Variants in NOL10 observed in about 807,000 individuals in gnomAD.
NOL10 encodes the protein nucleolar protein 10.
A neutral mutation model predicts 103.5 loss-of-function variants in NOL10; 58 were observed. That is an observed-to-expected ratio of 0.56 (90% CI 0.45 to 0.70). The LOEUF is 0.70. Ranked by LOEUF, NOL10 falls within the 30% of genes least tolerant of loss-of-function variation. The pLI is 0.00. For missense variants in NOL10, 763 were observed against 807.3 expected, an observed-to-expected ratio of 0.95 and a Z score of 0.67; for synonymous variants, 287 against 282.5, an observed-to-expected ratio of 1.02 and a Z score of -0.16.
chr2:10,646,251 T>C (rs1679066223), intron 12 of NOL10, among the ~76,000 whole-genome samples: 2 of 152,164 alleles, frequency 1.3e-5, no homozygotes, highest in African/African-American at 2.4e-5. Context: ...AGAAGCCACA[T>C]CTTCACAACC....
intron 17 of NOL10, among the ~76,000 whole-genome samples, chr2:10,595,935 GT>G (rs771227601): frequency 1.9e-4 from 29 of 151,962 alleles, no homozygotes; most frequent in Non-Finnish European, 4.3e-4. Context: ...GAAATGTTTA[GT>G]TTTTAAAACT....
intron 1 of NOL10, among the ~76,000 whole-genome samples, chr2:10,689,215 G>A: frequency 6.6e-6 from 1 of 152,186 alleles, no homozygotes; most frequent in East Asian, 1.9e-4. Flanking sequence ...AATCTCAGCT[G>A]CATTACTAAA....
intron 17 of NOL10, among the ~76,000 whole-genome samples, chr2:10,593,142 T>TC (rs1491334335): frequency 6.6e-6 from 1 of 150,828 alleles, no homozygotes; most frequent in African/African-American, 2.4e-5. Context: ...TTTTTTTTTT[T>TC]CTTTTTTTTC....
chr2:10,655,022 C>A (rs1338559309), intron 11 of NOL10, among the ~76,000 whole-genome samples: 3 of 151,716 alleles, frequency 2.0e-5, no homozygotes, highest in Non-Finnish European at 4.4e-5. Context: ...CCAGCCTGAC[C>A]AACATGGTGA....
Position 10,644,230 on chromosome 2 carries a change from C to T in NOL10, c.1026+90G>A, listed in dbSNP as rs1047412516. The T allele has an allele frequency of 3.3e-5, 32 of 966,440 alleles. No homozygotes were observed. In the East Asian group the frequency reaches 3.9e-4, roughly 12 times the overall value. The allele number at this position is 966,440 out of a possible 1,614,324, so 59.9% of individuals were successfully genotyped here. On this transcript the variant is annotated intron_variant, in intron 13 of 20. Transcript: ENST00000381685. ...ACCACTGCACCCCAGCATCGGTGAT[C>T]GCCAGACTCCGTCTCAAAAAATTAA...
chr2:10,613,776 T>TA (rs1676693484), intron 13 of NOL10, among the ~76,000 whole-genome samples: 1 of 152,176 alleles, frequency 6.6e-6, no homozygotes, highest in East Asian at 1.9e-4. Flanking sequence ...AAGTTTTTTT[T>TA]ACCACCTAAC....
intron 2 of NOL10, among the ~76,000 whole-genome samples, chr2:10,683,864 G>A (rs1054931140): frequency 6.6e-6 from 1 of 152,184 alleles, no homozygotes; most frequent in African/African-American, 2.4e-5. Flanking sequence ...TCTAGCCCAG[G>A]AGTCTTGCGT....
intron 20 of NOL10, among the ~76,000 whole-genome samples, chr2:10,573,734 C>T (rs368901395): frequency 1.8e-4 from 28 of 151,982 alleles, no homozygotes; most frequent in African/African-American, 6.8e-4. Context: ...TCTTAAGTCC[C>T]TTCTCTGACT....
chr2:10,665,423 A>T (rs1558337682), intron 8 of NOL10, among the ~76,000 whole-genome samples: 1 of 152,230 alleles, frequency 6.6e-6, no homozygotes, highest in African/African-American at 2.4e-5. Context: ...CAATATTATG[A>T]TAACTAAGAA....
intron 11 of NOL10, 34 bp downstream of exon 11, chr2:10,657,708 A>C (rs911645741): frequency 1.7e-5 from 26 of 1,533,058 alleles, no homozygotes; most frequent in Non-Finnish European, 2.3e-5. Context: ...ACCTGCAAAT[A>C]AAGAAGCAAG....
At chr2:10,621,530 G>T (rs1197514178) in intron 13 of NOL10, among the ~76,000 whole-genome samples, 1 of 152,160 alleles carries the variant, frequency 6.6e-6, no homozygotes, top group East Asian at 1.9e-4. Flanking sequence ...GGAATTCAAG[G>T]CTGCAGTGAG....
chr2:10,589,865 T>C (rs1384782720), intron 17 of NOL10, 114 bp from the exon 18 acceptor site: 2 of 622,080 alleles, frequency 3.2e-6, no homozygotes, highest in East Asian at 6.3e-5. Flanking sequence ...GCATGAGGCA[T>C]ACATTATTAA....
intron 12 of NOL10, among the ~76,000 whole-genome samples, chr2:10,652,576 C>T (rs1679546572): frequency 6.6e-6 from 1 of 152,124 alleles, no homozygotes. Context: ...CTAAGCAGTG[C>T]CCACTGAATC....
Position 10,652,188 on chromosome 2 carries a change from T to A in NOL10, c.973+2293A>T, listed in dbSNP as rs2148299509. 1.3e-5 allele frequency among the ~76,000 whole-genome samples: 2 copies of A among 150,164 alleles called. 1 individual carries two copies. Among genetic ancestry groups the A allele is most frequent in the South Asian group, 4.2e-4 (2 of 4,754 alleles). The stretch of plus-strand genomic sequence containing the variant: ...CCGGGAGGGGGAGGTTGAAGTGAGC[T>A]GAGATTGCGCCACTGCACTCCAGCC... On this transcript the variant is annotated intron_variant, in intron 12 of 20. Transcript: ENST00000381685.
At chr2:10,653,841 AG>A (rs1679646900) in intron 12 of NOL10, among the ~76,000 whole-genome samples, 1 of 152,110 alleles carries the variant, frequency 6.6e-6, no homozygotes, top group African/African-American at 2.4e-5. Flanking sequence ...CTCTCCAGCA[AG>A]CTGTCAAAGT....
Position 10,644,337 on chromosome 2 carries a change from C to T in NOL10, c.1009G>A (p.Gly337Ser), listed in dbSNP as rs142063691. The change falls in exon 13 of 21, where the codon GGC (glycine) becomes AGC (serine). Residue 337 changes from glycine to serine, a missense_variant. By Grantham distance (56) the Gly-to-Ser change is moderately conservative (BLOSUM62 0). Coordinates refer to ENST00000381685, the MANE Select transcript of NOL10 (RefSeq NM_024894.4). ...TTACTTACTGGAATGTAATAGATGC[C>T]CATCTTGGGGGTTTCATTGGCCGTC... Reference protein sequence around the residue: ...LLTANETPKMGIYYIPVLGPA... With the variant: ...LLTANETPKMSIYYIPVLGPA... 2 of 1,537,632 alleles carry T rather than the reference C, an allele frequency of 1.3e-6. No individual in the cohort carries two copies. Among genetic ancestry groups the T allele is most frequent in the African/African-American group, 1.4e-5 (1 of 72,016 alleles).
chr2:10,675,377 C>A (rs1681234112), intron 4 of NOL10, among the ~76,000 whole-genome samples: 1 of 151,966 alleles, frequency 6.6e-6, no homozygotes, highest in African/African-American at 2.4e-5. Flanking sequence ...AATCCTATAA[C>A]CACAACAAAC....
intron 13 of NOL10, among the ~76,000 whole-genome samples, chr2:10,617,141 AG>A (rs1676879169): frequency 6.6e-6 from 1 of 152,188 alleles, no homozygotes; most frequent in Admixed American, 6.5e-5. Flanking sequence ...AAGGCAATGA[AG>A]AATAGAGGGG....
At chr2:10,638,713 G>C (rs918315097) in intron 13 of NOL10, among the ~76,000 whole-genome samples, 1 of 147,914 alleles carries the variant, frequency 6.8e-6, no homozygotes. Context: ...GGTTGGTCTT[G>C]AACTCCTGAA....
Sources: gnomAD v4.1 joint callset for allele counts (sites outside exome capture counted in the v4.1 genomes callset) on GRCh38, gnomAD v4.1.1 for gene constraint, MANE v1.5 for transcripts, NCBI Gene and HGNC (gene_info 2026-07-23, HGNC 2026-07-21) for gene names.